ATP11A: variants seen among roughly 807,000 people sequenced by gnomAD.
ATP11A encodes ATPase phospholipid transporting 11A.
In ATP11A, 81 loss-of-function variants were observed where a neutral mutation model predicts 154.4. The ratio of observed to expected loss-of-function variants is 0.52; its 90% CI spans 0.44 to 0.63. The LOEUF (loss-of-function observed/expected upper bound fraction) is 0.63. ATP11A is among the 30% of genes least tolerant of loss of function. ATP11A has a pLI of 0.00. For synonymous variants in ATP11A, 623 were observed against 585.9 expected, an observed-to-expected ratio of 1.06 and a Z score of -0.91; for missense variants, 1,316 against 1,474.3, an observed-to-expected ratio of 0.89 and a Z score of 1.76.
intron 25 of ATP11A, among the ~76,000 whole-genome samples, chr13:112,869,053 A>T (rs975479986): frequency 6.6e-6 from 1 of 151,846 alleles, no homozygotes; most frequent in Non-Finnish European, 1.5e-5. Flanking sequence ...CCTCCAACAC[A>T]CGGGGATTAT....
chr13:112,823,783 C>T (rs2078861491), intron 9 of ATP11A, among the ~76,000 whole-genome samples: 1 of 152,184 alleles, frequency 6.6e-6, no homozygotes, highest in South Asian at 2.1e-4. Flanking sequence ...TAGAAGTATA[C>T]AAGTGTGCCC....
rs962580267 is a variant in ATP11A at position 112,696,224 on chromosome 13, C to A, written c.39+5769C>A. Among the ~76,000 whole-genome samples the A allele has an allele frequency of 2.0e-5, 3 of 152,202 alleles. No individual in the cohort carries two copies. Among genetic ancestry groups the A allele is most frequent in the Non-Finnish European group, 2.9e-5 (2 of 68,020 alleles). On this transcript the variant is annotated intron_variant, in intron 1 of 29. Coordinates refer to ENST00000375645, the MANE Select transcript of ATP11A (RefSeq NM_015205.3). The surrounding 1 kb of genome is among the most constrained non-coding windows in gnomAD (Gnocchi z 6.2). ...CCCAGTGCACGGGGCGTCTTTGTTG[C>A]GCGCATGGACCTGCGGCTGCATCAC...
chr13:112,873,654 C>T lies in ATP11A; in HGVS notation c.3139C>T (p.Leu1047Phe), dbSNP rs1320111627. The change falls in exon 27 of 30, where the codon CTT becomes TTT. Residue 1047 changes from leucine (L) to phenylalanine (F), a missense_variant. Coordinates refer to ENST00000375645, the MANE Select transcript of ATP11A (RefSeq NM_015205.3). The part of the protein sequence containing the change: ...GSLLFYVVFS[L>F]LWGGVIWPFL... ...GCTGCTGTTCTACGTTGTCTTTTCG[C>T]TTCTCTGGGGAGGAGTGATCTGGTA... 2 of 1,613,390 alleles carry T rather than the reference C, an allele frequency of 1.2e-6. No homozygotes were observed. The highest frequency in any genetic ancestry group is 2.2e-5 in the East Asian group (1 of 44,868).
At chr13:112,880,963 TAAAAGGCCCATCAG>T (rs2080867949) in intron 29 of ATP11A, 2 of 992,294 alleles carry the variant, frequency 2.0e-6, no homozygotes, top group Non-Finnish European at 2.4e-6. Context: ...CAGCTTCACT[TAAAAGGCCCATCAG>T]GAAGGACCGT....
chr13:112,722,308 G>C (rs1472156599), intron 1 of ATP11A, among the ~76,000 whole-genome samples: 1 of 151,148 alleles, frequency 6.6e-6, no homozygotes, highest in Admixed American at 6.6e-5. Context: ...GTGGGCCCGG[G>C]GAGAGGGGGG....
At chr13:112,770,724 A>G (rs416759) in intron 1 of ATP11A, among the ~76,000 whole-genome samples, 91,211 of 152,172 alleles carry the variant, frequency 0.6, 28,214 homozygotes, top group African/African-American at 0.75. Flanking sequence ...CCTGGGAGCC[A>G]CTGAGAGACG....
intron 3 of ATP11A, 112 bp from the exon 4 acceptor site, chr13:112,806,098 AAGG>A: frequency 1.4e-6 from 1 of 695,672 alleles, no homozygotes. Context: ...GGTGCCAGCA[AAGG>A]TCTTTAAATA....
intron 1 of ATP11A, among the ~76,000 whole-genome samples, chr13:112,711,251 G>A (rs1566364302): frequency 6.6e-6 from 1 of 152,106 alleles, no homozygotes; most frequent in African/African-American, 2.4e-5. Context: ...AAATTTTGTC[G>A]CTTAAAAAAG....
In ATP11A at chr13:112,823,426, T is replaced by A; in HGVS notation, c.790+17T>A. 6.4e-7 allele frequency: 1 copy of A among 1,573,764 alleles called. No individual in the cohort carries two copies. The highest frequency in any genetic ancestry group is 8.7e-7 in the Non-Finnish European group (1 of 1,144,010). ...AAATCTTTGGTAAATATTTAATTAA[T>A]TATTAACCATTGCCCCTAACATTAA... On this transcript the variant is annotated intron_variant, in intron 9 of 29. Coordinates refer to ENST00000375645, the MANE Select transcript of ATP11A (RefSeq NM_015205.3).
At chr13:112,808,512 C>T (rs1355785755) in intron 4 of ATP11A, among the ~76,000 whole-genome samples, 1 of 142,828 alleles carries the variant, frequency 7.0e-6, no homozygotes, top group African/African-American at 2.6e-5. Flanking sequence ...ACCTCCTTGT[C>T]CCTCTTCCTT....
At chr13:112,714,729 C>T (rs968752619) in intron 1 of ATP11A, among the ~76,000 whole-genome samples, 2 of 152,230 alleles carry the variant, frequency 1.3e-5, no homozygotes, top group African/African-American at 2.4e-5. Flanking sequence ...CTTGCCACCT[C>T]GGCTTCTGGC....
At position 112,829,382 on chromosome 13, in the gene ATP11A, C is replaced by A. The variant is rs1594815755; in HGVS notation, c.1222-1993C>A. On this transcript the variant is annotated intron_variant, in intron 12 of 29. Transcript: ENST00000375645. The stretch of plus-strand genomic sequence containing the variant: ...AGCAGCATACAAAAGGATCATACCC[C>A]ACCTGTGGGATGCCAGGGTGGCTCA... Among the ~76,000 whole-genome samples the A allele has an allele frequency of 2.6e-5, 4 of 152,220 alleles. No homozygotes were observed. The East Asian group carries it at 7.7e-4, about 29-fold the overall frequency.
intron 27 of ATP11A, among the ~76,000 whole-genome samples, chr13:112,874,272 G>A (rs1253001290): frequency 1.3e-5 from 2 of 152,172 alleles, no homozygotes; most frequent in African/African-American, 2.4e-5. Context: ...CGTGGCCAGC[G>A]GAGAGGGGCC....
chr13:112,748,767 GT>G (rs1366932150), intron 1 of ATP11A, among the ~76,000 whole-genome samples: 1 of 152,186 alleles, frequency 6.6e-6, no homozygotes, highest in East Asian at 1.9e-4. Flanking sequence ...TGTAAAAAAT[GT>G]TTTAAAACCA....
chr13:112,764,091 G>A (rs1416071608), intron 1 of ATP11A, among the ~76,000 whole-genome samples: 1 of 152,244 alleles, frequency 6.6e-6, no homozygotes, highest in Non-Finnish European at 1.5e-5. Context: ...ACCAGGAGTT[G>A]TTAGGATCTT....
intron 1 of ATP11A, among the ~76,000 whole-genome samples, chr13:112,760,954 G>A (rs408826): frequency 0.19 from 28,238 of 152,128 alleles, 2,881 homozygotes; most frequent in African/African-American, 0.26. Flanking sequence ...TGAGATAACC[G>A]AGGTATGAAA....
chr13:112,832,778 T>C (rs2079131011), intron 13 of ATP11A, 82 bp from the exon 14 acceptor site: 12 of 1,464,116 alleles, frequency 8.2e-6, no homozygotes, highest in Non-Finnish European at 1.1e-5. Context: ...ACCCCGCTTC[T>C]TGTTATCTCT....
intron 15 of ATP11A, 134 bp downstream of exon 15, chr13:112,834,794 A>G (rs1043313453): frequency 3.0e-6 from 2 of 671,472 alleles, no homozygotes; most frequent in African/African-American, 3.6e-5. Flanking sequence ...TCCCAGTGAC[A>G]CCCCAGGAAT....
rs1594272529 is a variant in ATP11A at position 112,882,254 on chromosome 13, A to G, written c.*388A>G. The stretch of plus-strand genomic sequence containing the variant: ...CGCAGGAGGGACATTCTGCTGGCCC[A>G]CCCTGCGCGCTGTCATGCAGAGGCC... On this transcript the variant is annotated 3_prime_UTR_variant, in exon 30 of 30. Transcript: ENST00000375645. The surrounding 1 kb of genome is among the most constrained non-coding windows in gnomAD (Gnocchi z 5.1). The G allele has an allele frequency of 3.2e-6, 2 of 622,844 alleles. No individual in the cohort carries two copies. The highest frequency in any genetic ancestry group is 4.8e-6 in the Non-Finnish European group (2 of 416,778). The allele number at this position is 622,844 out of a possible 1,614,324, so 38.6% of individuals were successfully genotyped here.
Sources: allele counts gnomAD v4.1 joint callset (sites outside exome capture counted in the v4.1 genomes callset), GRCh38; gene constraint gnomAD v4.1.1; non-coding constraint Gnocchi (gnomAD v3.1); transcripts MANE v1.5; gene names NCBI Gene and HGNC (gene_info 2026-07-23, HGNC 2026-07-21).